The following SMPD1 variants were observed in gnomAD, a reference collection of about 807,000 sequenced individuals.
SMPD1 encodes sphingomyelin phosphodiesterase 1.
In SMPD1, 47 loss-of-function variants were observed where a neutral mutation model predicts 49.7. The ratio of observed to expected loss-of-function variants is 0.95; its 90% CI spans 0.75 to 1.21. SMPD1 has a LOEUF of 1.21. Among genes scored for constraint, SMPD1 ranks in the 50% most tolerant of loss-of-function variants. The pLI, the probability that SMPD1 is intolerant of heterozygous loss-of-function variation, is 0.00. For missense variants in SMPD1, 811 were observed against 822.2 expected, an observed-to-expected ratio of 0.99 and a Z score of 0.17; for synonymous variants, 336 against 339.6, an observed-to-expected ratio of 0.99 and a Z score of 0.12.
At position 6,391,878 on chromosome 11, in the gene SMPD1, T is replaced by C. The variant is rs61876771; in HGVS notation, c.813T>C (p.Pro271=). The change falls in exon 2 of 6, where the codon CCT becomes CCC. Residue 271 remains proline, a synonymous_variant. Transcript: ENST00000342245. The stretch of plus-strand genomic sequence containing the variant: ...TGAGTGGGCTGGGCCCAGCCGGCCC[T>C]TTTGATATGGTGTACTGGACAGGAG... ...SLLSGLGPAG[P]FDMVYWTGDI... 8,482 of 1,614,074 alleles carry C rather than the reference T, an allele frequency of 5.3e-3. 35 individuals are homozygous for C. The highest frequency in any genetic ancestry group is 6.3e-3 in the Non-Finnish European group (7,490 of 1,180,014).
At position 6,394,209 on chromosome 11, in the gene SMPD1, T is replaced by C. The variant is rs771336819; in HGVS notation, c.1498T>C (p.Tyr500His). The change falls in exon 6 of 6, where the codon TAC (tyrosine) becomes CAC (histidine). Residue 500 changes from tyrosine (Y) to histidine (H), a missense_variant. Tyr to His is a moderately conservative substitution (Grantham distance 83). Transcript: ENST00000342245. The stretch of plus-strand genomic sequence containing the variant: ...CCACATCCTTGCAGGTTACCGTGTG[T>C]ACCAAATAGATGGAAACTACTCCGG... ...YIGLNPGYRVYQIDGNYSGSS... is the reference protein window; with the variant it reads ...YIGLNPGYRVHQIDGNYSGSS... The C allele has an allele frequency of 5.6e-6, 9 of 1,614,044 alleles. No homozygotes were observed. In the East Asian group the frequency reaches 1.8e-4, roughly 32 times the overall value.
rs755988781 is a variant in SMPD1, at chr11:6,390,699, GCC to G, written c.102_103del (p.Leu35GlyfsTer16). The G allele has an allele frequency of 6.3e-7, 1 of 1,576,084 alleles. No homozygotes were observed. On this transcript the variant is annotated frameshift_variant, in exon 1 of 6. Transcript: ENST00000342245. LOFTEE classifies it high-confidence loss of function. ...GGAGCCCCCGGACTCCTTTGGATGGGCCTGGTGCTGGCGCTGGCGCTGGCGCT... is the reference window on the plus strand; with the variant it reads ...GGAGCCCCCGGACTCCTTTGGATGGGTGGTGCTGGCGCTGGCGCTGGCGCT...
rs2134011575 is a variant in SMPD1, at chr11:6,391,842, G to A, written c.777G>A (p.Leu259=). Residue 259 remains leucine, a synonymous_variant, in exon 2 of 6, where the codon CTG becomes CTA. Transcript: ENST00000342245. Reference sequence around the variant, plus strand: ...AGTGTGACCTGCCCCTGAGGACCCTGGAGAGCCTGTTGAGTGGGCTGGGCC... The same window carrying A: ...AGTGTGACCTGCCCCTGAGGACCCTAGAGAGCCTGTTGAGTGGGCTGGGCC... The part of the protein sequence containing the change: ...YSKCDLPLRT[L]ESLLSGLGPA... 2 of 1,613,846 alleles carry A rather than the reference G, an allele frequency of 1.2e-6. No homozygotes were observed. The highest frequency in any genetic ancestry group is 1.1e-5 in the South Asian group (1 of 91,090).
chr11:6,394,958 G>A lies in SMPD1; in HGVS notation c.*351G>A. The A allele has an allele frequency of 2.9e-6, 1 of 341,486 alleles. No homozygotes were observed. The highest frequency in any genetic ancestry group is 5.4e-6 in the Non-Finnish European group (1 of 184,086). 21.2% of individuals were successfully genotyped at this position (341,486 alleles called of 1,614,324 possible). ...TGTACTGCTGCTGCGACCTGATGCTGCCAGTCTGTTAAAATAAAGATAAGA... is the reference window on the plus strand; with the variant it reads ...TGTACTGCTGCTGCGACCTGATGCTACCAGTCTGTTAAAATAAAGATAAGA... On this transcript the variant is annotated 3_prime_UTR_variant, in exon 6 of 6. Transcript: ENST00000342245.
intron 1 of SMPD1, 128 bp downstream of exon 1, chr11:6,391,044 C>G: frequency 8.1e-7 from 1 of 1,237,746 alleles, no homozygotes; most frequent in Non-Finnish European, 1.1e-6. Context: ...CAATCCATCA[C>G]TGAGTTTGCT....
rs745567072 is a variant in SMPD1, at chr11:6,390,757, G to A, written c.159G>A (p.Arg53=). Residue 53 remains arginine (R), a synonymous_variant, in exon 1 of 6, where the codon CGG becomes CGA. Transcript: ENST00000342245. ...TGGCGCTGGCTCTGTCTGACTCTCG[G>A]GTTCTCTGGGCTCCGGCAGAGGCTC... ...LALALALSDS[R]VLWAPAEAHP... 6.2e-7 allele frequency: 1 copy of A among 1,614,072 alleles called. No individual in the cohort carries two copies. The highest frequency in any genetic ancestry group is 1.1e-5 in the South Asian group (1 of 91,088).
Position 6,391,518 on chromosome 11 carries a change from A to G in SMPD1, c.453A>G (p.Ser151=), listed in dbSNP as rs1345245784. The G allele has an allele frequency of 6.2e-7, 1 of 1,613,962 alleles. No individual in the cohort carries two copies. Among genetic ancestry groups the G allele is most frequent in the African/African-American group, 1.3e-5 (1 of 74,950 alleles). The part of the protein sequence containing the change: ...EDDMVEVWRR[S]VLSPSEACGL... ...ACATGGTGGAGGTGTGGAGACGCTC[A>G]GTGCTGAGCCCATCTGAGGCCTGTG... Residue 151 remains serine, a synonymous_variant, in exon 2 of 6, where the codon TCA becomes TCG. Transcript: ENST00000342245.
chr11:6,391,405 G>T lies in SMPD1; in HGVS notation c.340G>T (p.Val114Leu), dbSNP rs142215226. 3 of 1,612,766 alleles carry T rather than the reference G, an allele frequency of 1.9e-6. No individual in the cohort carries two copies. The highest frequency in any genetic ancestry group is 2.5e-6 in the Non-Finnish European group (3 of 1,179,978). ...GLKKEPNVAR[V>L]GSVAIKLCNL... ...GCAGAAGGAACCCAATGTGGCTCGCGTGGGCTCCGTGGCCATCAAGCTGTG... is the reference window on the plus strand; with the variant it reads ...GCAGAAGGAACCCAATGTGGCTCGCTTGGGCTCCGTGGCCATCAAGCTGTG... The change falls in exon 2 of 6, where the codon GTG becomes TTG. Residue 114 changes from valine (V) to leucine (L), a missense_variant. Coordinates refer to ENST00000342245, the MANE Select transcript of SMPD1 (RefSeq NM_000543.5).
At position 6,394,737 on chromosome 11, in the gene SMPD1, G is replaced by C; in HGVS notation, c.*130G>C. 6.3e-6 allele frequency: 5 copies of C among 797,552 alleles called. No individual in the cohort carries two copies. The highest frequency in any genetic ancestry group is 1.0e-5 in the Non-Finnish European group (5 of 489,162). 49.4% of individuals were successfully genotyped at this position (797,552 alleles called of 1,614,324 possible). On this transcript the variant is annotated 3_prime_UTR_variant, in exon 6 of 6. Coordinates refer to ENST00000342245, the MANE Select transcript of SMPD1 (RefSeq NM_000543.5). Reference sequence around the variant, plus strand: ...GTCCCTGGGCCCCAAGGATGCCGGGGAAACAGGACCTTCTCCTTTCCTGGA... The same window carrying C: ...GTCCCTGGGCCCCAAGGATGCCGGGCAAACAGGACCTTCTCCTTTCCTGGA...
rs35933246 is a variant in SMPD1 at position 6,391,872 on chromosome 11, C to A, written c.807C>A (p.Ala269=). The A allele has an allele frequency of 1.2e-6, 2 of 1,614,094 alleles. 1 individual carries two copies. Among genetic ancestry groups the A allele is most frequent in the Non-Finnish European group, 1.7e-6 (2 of 1,180,036 alleles). The stretch of plus-strand genomic sequence containing the variant: ...GCCTGTTGAGTGGGCTGGGCCCAGC[C>A]GGCCCTTTTGATATGGTGTACTGGA... ...LESLLSGLGP[A]GPFDMVYWTG... is the part of the protein sequence containing the mutation. Residue 269 remains alanine (A), a synonymous_variant, in exon 2 of 6, where the codon GCC becomes GCA. Coordinates refer to ENST00000342245, the MANE Select transcript of SMPD1 (RefSeq NM_000543.5).
At position 6,391,603 on chromosome 11, in the gene SMPD1, T is replaced by G; in HGVS notation, c.538T>G (p.Leu180Val). ...CATTTTCTCATCTTGGAACATCTCT[T>G]TGCCTACTGTGCCGAAGCCGCCCCC... ...WDIFSSWNIS[L>V]PTVPKPPPKP... The change falls in exon 2 of 6, where the codon TTG (leucine) becomes GTG (valine). Residue 180 changes from leucine (L) to valine (V), a missense_variant. Leu to Val is a conservative substitution (Grantham distance 32, BLOSUM62 1). Coordinates refer to ENST00000342245, the MANE Select transcript of SMPD1 (RefSeq NM_000543.5). 6.2e-7 allele frequency: 1 copy of G among 1,603,034 alleles called. No individual in the cohort carries two copies. Among genetic ancestry groups the G allele is most frequent in the Non-Finnish European group, 8.5e-7 (1 of 1,174,832 alleles).
chr11:6,393,841 C>T (rs1156599605), intron 4 of SMPD1, 55 bp from the exon 5 acceptor site: 13 of 1,607,540 alleles, frequency 8.1e-6, no homozygotes, highest in Non-Finnish European at 1.1e-5. Context: ...CCTATCTCCC[C>T]AGATGTCTTC....
intron 4 of SMPD1, 73 bp from the exon 5 acceptor site, chr11:6,393,823 G>A: frequency 1.3e-6 from 2 of 1,592,266 alleles, no homozygotes; most frequent in Non-Finnish European, 1.7e-6. Context: ...GTTGGAGAAA[G>A]AGGGCATCCT....
chr11:6,391,711 C>G lies in SMPD1; in HGVS notation c.646C>G (p.Leu216Val). The G allele has an allele frequency of 6.3e-7, 1 of 1,598,960 alleles. No individual in the cohort carries two copies. Among genetic ancestry groups the G allele is most frequent in the African/African-American group, 1.3e-5 (1 of 74,356 alleles). ...TGACCTGCACTGGGATCATGACTACCTGGAGGGCACGGACCCTGACTGTGC... is the reference window on the plus strand; with the variant it reads ...TGACCTGCACTGGGATCATGACTACGTGGAGGGCACGGACCCTGACTGTGC... ...LTDLHWDHDY[L>V]EGTDPDCADP... The change falls in exon 2 of 6, where the codon CTG becomes GTG. Residue 216 changes from leucine to valine, a missense_variant. Transcript: ENST00000342245.
At position 6,394,468 on chromosome 11, in the gene SMPD1, G is replaced by A; in HGVS notation, c.1757G>A (p.Cys586Tyr). 1 of 1,614,102 alleles carries A rather than the reference G, an allele frequency of 6.2e-7. No individual in the cohort carries two copies. Among genetic ancestry groups the A allele is most frequent in the Non-Finnish European group, 8.5e-7 (1 of 1,180,034 alleles). The change falls in exon 6 of 6, where the codon TGT becomes TAT. Residue 586 changes from cysteine (C) to tyrosine (Y), a missense_variant. Transcript: ENST00000342245. ...YHKGHPPSEP[C>Y]GTPCRLATLC... ...AAGGGCCACCCACCCTCGGAGCCCT[G>A]TGGCACGCCCTGCCGTCTGGCTACT...
Position 6,391,827 on chromosome 11 carries a change from G to A in SMPD1, c.762G>A (p.Leu254=), listed in dbSNP as rs143939609. Residue 254 remains leucine (L), a synonymous_variant, in exon 2 of 6, where the codon CTG becomes CTA. Coordinates refer to ENST00000342245, the MANE Select transcript of SMPD1 (RefSeq NM_000543.5). The part of the protein sequence containing the change: ...GYWGEYSKCD[L]PLRTLESLLS... The stretch of plus-strand genomic sequence containing the variant: ...GGGGCGAATACAGCAAGTGTGACCT[G>A]CCCCTGAGGACCCTGGAGAGCCTGT... The A allele has an allele frequency of 1.9e-4, 305 of 1,613,470 alleles. No homozygotes were observed. In the African/African-American group the frequency reaches 3.2e-3, roughly 17 times the overall value.
rs1467723383 is a variant in SMPD1 at position 6,393,367 on chromosome 11, G to T, written c.1243G>T (p.Ala415Ser). ...GTGGCTGGTGGGGGAGCTTCAGGCT[G>T]CTGAGGATCGAGGAGACAAAGTGAG... ...LQWLVGELQA[A>S]EDRGDKVHII... The change falls in exon 3 of 6, where the codon GCT becomes TCT. Residue 415 changes from alanine to serine, a missense_variant. Coordinates refer to ENST00000342245, the MANE Select transcript of SMPD1 (RefSeq NM_000543.5). 6.2e-7 allele frequency: 1 copy of T among 1,613,436 alleles called. No individual in the cohort carries two copies.
Position 6,394,591 on chromosome 11 carries a change from G to A in SMPD1, c.1880G>A (p.Arg627Lys). 1 of 1,603,204 alleles carries A rather than the reference G, an allele frequency of 6.2e-7. No homozygotes were observed. The highest frequency in any genetic ancestry group is 8.5e-7 in the Non-Finnish European group (1 of 1,179,946). ...SLPEAQSLWP[R>K]PLFC The stretch of plus-strand genomic sequence containing the variant: ...CCAGAGGCCCAGAGCCTGTGGCCAA[G>A]GCCACTGTTTTGCTAGGGCCCCAGG... The change falls in exon 6 of 6, where the codon AGG (arginine) becomes AAG (lysine). Residue 627 changes from arginine (R) to lysine (K), a missense_variant. Physicochemically the swap from Arg to Lys is conservative, Grantham distance 26. Transcript: ENST00000342245.
At position 6,391,600 on chromosome 11, in the gene SMPD1, T is replaced by C; in HGVS notation, c.535T>C (p.Ser179Pro). 1 of 1,606,648 alleles carries C rather than the reference T, an allele frequency of 6.2e-7. No individual in the cohort carries two copies. Among genetic ancestry groups the C allele is most frequent in the African/African-American group, 1.3e-5 (1 of 74,884 alleles). ...HWDIFSSWNI[S>P]LPTVPKPPPK... ...GGACATTTTCTCATCTTGGAACATCTCTTTGCCTACTGTGCCGAAGCCGCC... is the reference window on the plus strand; with the variant it reads ...GGACATTTTCTCATCTTGGAACATCCCTTTGCCTACTGTGCCGAAGCCGCC... Residue 179 changes from serine (S) to proline (P), a missense_variant, in exon 2 of 6, where the codon TCT becomes CCT. Physicochemically the swap from Ser to Pro is moderately conservative, Grantham distance 74. Coordinates refer to ENST00000342245, the MANE Select transcript of SMPD1 (RefSeq NM_000543.5).
Sources: gnomAD v4.1 joint callset for allele counts on GRCh38, gnomAD v4.1.1 for gene constraint, MANE v1.5 for transcripts, NCBI Gene and HGNC (gene_info 2026-07-23, HGNC 2026-07-21) for gene names.